The following CPNE4 variants were observed in gnomAD, a reference collection of about 807,000 sequenced individuals.
CPNE4 encodes copine-4.
CPNE4 carries 25 observed loss-of-function variants against 67.9 expected under a neutral mutation model. The ratio of observed to expected loss-of-function variants is 0.37; its 90% confidence interval spans 0.27 to 0.51. The LOEUF (loss-of-function observed/expected upper bound fraction) is 0.51. Among genes scored for constraint, CPNE4 ranks in the 20% least tolerant of loss-of-function variants. CPNE4 has a pLI of 0.93. For synonymous variants in CPNE4, 242 were observed against 244.9 expected (o/e 0.99, Z 0.11); for missense variants, 464 against 690.8 (o/e 0.67, Z 3.68).
At chr3:131,689,772 T>C (rs2080987171) in intron 5 of CPNE4, among the ~76,000 whole-genome samples, 1 of 152,164 alleles carries the variant, frequency 6.6e-6, no homozygotes. Flanking sequence ...GAAGTCAAAT[T>C]GTCTCTCTTT....
intron 7 of CPNE4, among the ~76,000 whole-genome samples, chr3:131,666,252 ATATAAT>A (rs1560078726): frequency 1.5e-5 from 1 of 68,896 alleles, no homozygotes; most frequent in Non-Finnish European, 3.2e-5. Flanking sequence ...TAAACATTTA[ATATAAT>A]TATAAGGCAA....
intron 2 of CPNE4, among the ~76,000 whole-genome samples, chr3:131,772,914 A>T (rs1261044194): frequency 1.3e-5 from 2 of 152,070 alleles, no homozygotes; most frequent in Non-Finnish European, 1.5e-5. Flanking sequence ...CACCCATGGG[A>T]GACAGTGTTT....
intron 7 of CPNE4, among the ~76,000 whole-genome samples, chr3:131,612,416 T>C (rs1262656595): frequency 6.6e-6 from 1 of 152,128 alleles, no homozygotes; most frequent in Non-Finnish European, 1.5e-5. Flanking sequence ...ATATTGAAGC[T>C]ACTATGCAAT....
At chr3:131,686,776 T>G (rs2080901916) in intron 5 of CPNE4, among the ~76,000 whole-genome samples, 1 of 152,232 alleles carries the variant, frequency 6.6e-6, no homozygotes, top group African/African-American at 2.4e-5. Context: ...TTTGTTCAGT[T>G]TCTCTCTATG....
chr3:131,760,581 AT>A (rs778401281), intron 2 of CPNE4, among the ~76,000 whole-genome samples: 1 of 151,914 alleles, frequency 6.6e-6, no homozygotes, highest in Non-Finnish European at 1.5e-5. Flanking sequence ...ACTTTTCCCC[AT>A]TTTTTTCTCC....
intron 1 of CPNE4, among the ~76,000 whole-genome samples, chr3:131,969,269 A>C (rs534084673): frequency 5.7e-4 from 86 of 151,960 alleles, no homozygotes; most frequent in African/African-American, 2.0e-3. Flanking sequence ...GGGTCTTAAA[A>C]CCTAGCTGAC....
chr3:132,039,230 G>A (rs1325988018), upstream of CPNE4, among the ~76,000 whole-genome samples: 1 of 152,158 alleles, frequency 6.6e-6, no homozygotes, highest in African/African-American at 2.4e-5. Flanking sequence ...TCAAAGAGAA[G>A]GAGATACTGA....
intron 2 of CPNE4, among the ~76,000 whole-genome samples, chr3:131,800,474 A>C (rs2084060774): frequency 6.6e-6 from 1 of 152,170 alleles, no homozygotes; most frequent in South Asian, 2.1e-4. Flanking sequence ...TGGACGGATA[A>C]ATGGCCATCT....
intron 2 of CPNE4, among the ~76,000 whole-genome samples, chr3:131,816,228 T>A (rs1421009698): frequency 2.0e-5 from 3 of 152,226 alleles, no homozygotes; most frequent in Non-Finnish European, 4.4e-5. Flanking sequence ...GGTTTTAATA[T>A]GTCCAGGGCT....
chr3:131,751,410 A>G (rs1261402879), intron 2 of CPNE4, among the ~76,000 whole-genome samples: 7 of 151,934 alleles, frequency 4.6e-5, no homozygotes, highest in African/African-American at 4.8e-5. Flanking sequence ...TCTTTCCTCT[A>G]TCTCTTCCAT....
At chr3:131,663,729 G>C (rs141271781) in intron 7 of CPNE4, among the ~76,000 whole-genome samples, 53 of 152,248 alleles carry the variant, frequency 3.5e-4, no homozygotes, top group Non-Finnish European at 6.5e-4. Context: ...AGGCATGGCA[G>C]CCTAAGATAG....
At chr3:131,604,159 C>G (rs1461790519) in intron 7 of CPNE4, among the ~76,000 whole-genome samples, 3 of 152,054 alleles carry the variant, frequency 2.0e-5, no homozygotes, top group Non-Finnish European at 4.4e-5. Flanking sequence ...ACAATTCTAA[C>G]AGAGAGGGAT....
intron 1 of CPNE4, among the ~76,000 whole-genome samples, chr3:131,951,387 G>T (rs964167467): frequency 1.3e-5 from 2 of 152,064 alleles, no homozygotes; most frequent in Middle Eastern, 3.2e-3. Context: ...AATAATGTTT[G>T]TGGGTTCTGT....
intron 9 of CPNE4, among the ~76,000 whole-genome samples, chr3:131,577,390 G>A (rs1937577944): frequency 6.6e-6 from 1 of 152,010 alleles, no homozygotes; most frequent in South Asian, 2.1e-4. Context: ...ATCATTGCGT[G>A]AACATCATAG....
At chr3:131,651,793 C>G (rs2079821361) in intron 7 of CPNE4, among the ~76,000 whole-genome samples, 1 of 152,210 alleles carries the variant, frequency 6.6e-6, no homozygotes, top group South Asian at 2.1e-4. Context: ...CTTTTCCCTT[C>G]TGTAAGTCCA....
intron 6 of CPNE4, among the ~76,000 whole-genome samples, chr3:131,671,646 A>G (rs9813969): frequency 0.35 from 52,764 of 151,932 alleles, 9,659 homozygotes; most frequent in African/African-American, 0.45. Flanking sequence ...TTAGAGTAAA[A>G]GGGGATATTA....
intron 1 of CPNE4, among the ~76,000 whole-genome samples, chr3:132,029,537 C>A (rs1271819263): frequency 6.6e-6 from 1 of 152,194 alleles, no homozygotes; most frequent in Non-Finnish European, 1.5e-5. Flanking sequence ...TCACCAGCTC[C>A]TAGGGCTTGC....
At chr3:131,893,452 C>A (rs6771284) in intron 2 of CPNE4, among the ~76,000 whole-genome samples, 43,717 of 151,766 alleles carry the variant, frequency 0.29, 7,364 homozygotes, top group Non-Finnish European at 0.37. Context: ...TATCAGACTT[C>A]TACTGCACAA....
intron 7 of CPNE4, among the ~76,000 whole-genome samples, chr3:131,634,687 A>G (rs2079328823): frequency 6.6e-6 from 1 of 152,148 alleles, no homozygotes; most frequent in African/African-American, 2.4e-5. Flanking sequence ...TGGAAAGGAG[A>G]TGAGAGGATA....
Sources: allele counts gnomAD v4.1 joint callset (sites outside exome capture counted in the v4.1 genomes callset), GRCh38; gene constraint gnomAD v4.1.1; transcripts MANE v1.5; gene names NCBI Gene and HGNC (gene_info 2026-07-23, HGNC 2026-07-21).